The following FMN1 variants were observed in gnomAD, a reference collection of about 807,000 sequenced individuals.
FMN1 encodes the protein formin-1.
A neutral mutation model predicts 132.4 loss-of-function variants in FMN1; 110 were observed. That is an observed-to-expected ratio of 0.83 (90% confidence interval 0.71 to 0.97). The LOEUF is 0.97. FMN1 is among the 50% of genes least tolerant of loss of function. The probability of loss-of-function intolerance (pLI) is 0.00; values close to 1 mark genes in which losing one functional copy is unlikely to be tolerated. For missense variants in FMN1, 1,792 were observed against 1,705.3 expected (o/e 1.05, Z -0.90); for synonymous variants, 722 against 651.7 (o/e 1.11, Z -1.64).
intron 5 of FMN1, among the ~76,000 whole-genome samples, chr15:33,070,748 G>A (rs1464053848): frequency 6.6e-6 from 1 of 152,214 alleles, no homozygotes; most frequent in Non-Finnish European, 1.5e-5. Flanking sequence ...CAGCTAGTAA[G>A]TGGGGAATAA....
At chr15:32,893,104 C>T (rs1013597259) in intron 15 of FMN1, among the ~76,000 whole-genome samples, 6 of 152,210 alleles carry the variant, frequency 3.9e-5, no homozygotes, top group African/African-American at 1.4e-4. Flanking sequence ...GACCCTTCCT[C>T]TTTAAGGCCA....
intron 6 of FMN1, among the ~76,000 whole-genome samples, chr15:33,026,892 C>G (rs1211736706): frequency 6.6e-6 from 1 of 152,130 alleles, no homozygotes; most frequent in Non-Finnish European, 1.5e-5. Context: ...GAAAAGTACT[C>G]CAAAATATGT....
chr15:33,084,775 C>T (rs181878868), intron 5 of FMN1, among the ~76,000 whole-genome samples: 1 of 152,262 alleles, frequency 6.6e-6, no homozygotes, highest in East Asian at 1.9e-4. Context: ...AAGATGAATG[C>T]CCAGCTAAAT....
chr15:33,119,355 A>C, intron 4 of FMN1, among the ~76,000 whole-genome samples: 1 of 152,150 alleles, frequency 6.6e-6, no homozygotes, highest in East Asian at 1.9e-4. Context: ...CCATGGTGCC[A>C]AAGGGTGGGG....
At chr15:33,168,583 C>T (rs182419549) in intron 3 of FMN1, among the ~76,000 whole-genome samples, 2 of 152,256 alleles carry the variant, frequency 1.3e-5, no homozygotes, top group East Asian at 1.9e-4. Context: ...AAGTTTGCCT[C>T]AAGTCAAGTA....
At chr15:33,119,296 G>A (rs1962326233) in intron 4 of FMN1, among the ~76,000 whole-genome samples, 1 of 152,110 alleles carries the variant, frequency 6.6e-6, no homozygotes, top group African/African-American at 2.4e-5. Flanking sequence ...CCAAATCCTG[G>A]GAACTGAAAT....
chr15:32,837,297 G>T, intron 17 of FMN1: 3 of 198,374 alleles, frequency 1.5e-5, no homozygotes, highest in South Asian at 2.2e-4. Context: ...CAAAGGTGTG[G>T]TGTGGCCTGA....
chr15:32,943,074 T>C (rs910870744), intron 9 of FMN1, among the ~76,000 whole-genome samples: 4 of 152,098 alleles, frequency 2.6e-5, no homozygotes, highest in Non-Finnish European at 5.9e-5. Flanking sequence ...TCAAGGAAAA[T>C]GCTCAGTGGG....
chr15:33,139,517 G>C (rs1429437970), intron 4 of FMN1, among the ~76,000 whole-genome samples: 1 of 152,204 alleles, frequency 6.6e-6, no homozygotes, highest in Non-Finnish European at 1.5e-5. Flanking sequence ...CTTGAATCCG[G>C]GAGGTGGAGG....
intron 4 of FMN1, among the ~76,000 whole-genome samples, chr15:33,113,648 A>G (rs1332459062): frequency 2.6e-5 from 4 of 152,010 alleles, no homozygotes; most frequent in African/African-American, 7.2e-5. Flanking sequence ...TCATACCCCA[A>G]TTTAAATAGT....
At position 33,067,258 on chromosome 15, in the gene FMN1, A is replaced by G. The variant is rs1348392270; in HGVS notation, c.2044-2184T>C. ...CCAGTTTGCTGCTCATCTCAGGTGG[A>G]ATCCTTTGAGGATCTTCTGCACAGA... On this transcript the variant is annotated intron_variant, in intron 5 of 20. Transcript: ENST00000616417. The G allele has an allele frequency of 3.1e-6, 5 of 1,613,480 alleles. No individual in the cohort carries two copies. In the South Asian group the frequency reaches 4.4e-5, roughly 14 times the overall value.
At chr15:32,926,124 GT>G (rs1479169187) in intron 10 of FMN1, 49 bp downstream of exon 10, 2 of 1,011,688 alleles carry the variant, frequency 2.0e-6, no homozygotes, top group Non-Finnish European at 3.0e-6. Flanking sequence ...AGAATGAAAT[GT>G]TTTTTAAAAA....
chr15:33,136,283 G>T (rs1963762975), intron 4 of FMN1, among the ~76,000 whole-genome samples: 1 of 152,200 alleles, frequency 6.6e-6, no homozygotes, highest in South Asian at 2.1e-4. Flanking sequence ...CTGCTTCAGG[G>T]ACAGGACTGT....
intron 4 of FMN1, among the ~76,000 whole-genome samples, chr15:33,107,762 A>G (rs1293950711): frequency 6.6e-6 from 1 of 152,124 alleles, no homozygotes; most frequent in Non-Finnish European, 1.5e-5. Context: ...GAAACTAAAT[A>G]ATGAATGAGT....
chr15:33,158,152 G>A (rs1964750484), intron 3 of FMN1, among the ~76,000 whole-genome samples: 1 of 152,102 alleles, frequency 6.6e-6, no homozygotes, highest in Non-Finnish European at 1.5e-5. Flanking sequence ...GGTATAGGCA[G>A]TAAAAACTCA....
chr15:32,951,140 A>C (rs186091719), intron 9 of FMN1, among the ~76,000 whole-genome samples: 2 of 152,192 alleles, frequency 1.3e-5, no homozygotes, highest in African/African-American at 2.4e-5. Context: ...TCACATTACC[A>C]AAATCGGTCA....
At chr15:32,801,128 G>C (rs1311625021) in intron 18 of FMN1, among the ~76,000 whole-genome samples, 4 of 152,112 alleles carry the variant, frequency 2.6e-5, no homozygotes, top group Non-Finnish European at 5.9e-5. Flanking sequence ...GCAAATCCTG[G>C]TGCAGTTTCA....
At chr15:32,785,188 G>GTATATA (rs2056819735) in intron 19 of FMN1, among the ~76,000 whole-genome samples, 1 of 31,306 alleles carries the variant, frequency 3.2e-5, no homozygotes, top group African/African-American at 1.2e-4. Context: ...GTGTGTGTGT[G>GTATATA]TGTGTGTGTG....
At chr15:33,012,776 A>G in intron 6 of FMN1, 1 of 712,112 alleles carries the variant, frequency 1.4e-6, no homozygotes, top group Non-Finnish European at 2.6e-6. Context: ...TATGGAGAAA[A>G]CTTCAGTGGT....
Sources: allele counts gnomAD v4.1 joint callset (sites outside exome capture counted in the v4.1 genomes callset), GRCh38; gene constraint gnomAD v4.1.1; transcripts MANE v1.5; gene names NCBI Gene and HGNC (gene_info 2026-07-23, HGNC 2026-07-21).